The following RPH3A variants were observed in gnomAD, a reference collection of about 807,000 sequenced individuals.
RPH3A encodes rabphilin 3A.
In RPH3A, 48 loss-of-function variants were observed where a neutral mutation model predicts 102.2. The ratio of observed to expected loss-of-function variants is 0.47; its 90% confidence interval spans 0.37 to 0.60. The LOEUF is 0.60. Among genes scored for constraint, RPH3A ranks in the 20% least tolerant of loss-of-function variants. The pLI is 0.00. For synonymous variants in RPH3A, 310 were observed against 324.3 expected, an observed-to-expected ratio of 0.96 and a Z score of 0.47; for missense variants, 781 against 910.1, an observed-to-expected ratio of 0.86 and a Z score of 1.83.
chr12:112,724,433 A>T (rs1261885631), intron 1 of RPH3A, among the ~76,000 whole-genome samples: 1 of 152,040 alleles, frequency 6.6e-6, no homozygotes, highest in Non-Finnish European at 1.5e-5. Flanking sequence ...TCTCCAAAAA[A>T]TTTTTCCAAT....
At chr12:112,722,480 C>G (rs1262699914) in intron 1 of RPH3A, among the ~76,000 whole-genome samples, 4 of 152,212 alleles carry the variant, frequency 2.6e-5, no homozygotes, top group Non-Finnish European at 5.9e-5. Flanking sequence ...ACTCCATATT[C>G]AGTCTACTTC....
Position 112,810,863 on chromosome 12 carries a change from A to G in RPH3A, c.-18-17438A>G, listed in dbSNP as rs184320575. On this transcript the variant is annotated intron_variant, in intron 2 of 21. Coordinates refer to ENST00000389385, the MANE Select transcript of RPH3A (RefSeq NM_001143854.2). ...TGTAAAAATGCCTTTTGATTAATCT[A>G]GTACTGCATACATTTGTATATTGTA... Among the ~76,000 whole-genome samples the G allele has an allele frequency of 4.1e-4, 63 of 152,294 alleles. 1 individual carries two copies. Among genetic ancestry groups the G allele is most frequent in the Middle Eastern group, 6.8e-3 (2 of 292 alleles).
At chr12:112,868,234 C>T (rs2042644269) in intron 7 of RPH3A, 196 bp from the exon 8 acceptor site, 1 of 531,522 alleles carries the variant, frequency 1.9e-6, no homozygotes, top group East Asian at 2.9e-5. Context: ...AAACTGAAGC[C>T]CTTTCTACTG....
At chr12:112,662,949 A>G (rs1330438262) in intron 1 of RPH3A, among the ~76,000 whole-genome samples, 4 of 151,746 alleles carry the variant, frequency 2.6e-5, no homozygotes, top group Non-Finnish European at 5.9e-5. Context: ...ATTTGTGGTG[A>G]AGAAGTATCC....
intron 2 of RPH3A, among the ~76,000 whole-genome samples, chr12:112,812,685 C>G (rs571130877): frequency 6.6e-6 from 1 of 152,154 alleles, no homozygotes; most frequent in South Asian, 2.1e-4. Context: ...CTCTCTCTCT[C>G]TCTTCCCCTC....
At chr12:112,686,652 C>T (rs1190156756) in intron 1 of RPH3A, among the ~76,000 whole-genome samples, 2 of 152,186 alleles carry the variant, frequency 1.3e-5, no homozygotes, top group Admixed American at 6.5e-5. Context: ...CAGCCAGCCA[C>T]CAGCCAATTC....
intron 1 of RPH3A, among the ~76,000 whole-genome samples, chr12:112,716,546 G>A (rs950398900): frequency 6.6e-6 from 1 of 152,184 alleles, no homozygotes; most frequent in African/African-American, 2.4e-5. Context: ...TGGGTTCAAG[G>A]CATTGGCTCT....
upstream of RPH3A, among the ~76,000 whole-genome samples, chr12:112,789,720 C>T (rs185327187): frequency 6.6e-6 from 1 of 151,392 alleles, no homozygotes; most frequent in Non-Finnish European, 1.5e-5. Flanking sequence ...CCATCAACAT[C>T]ATCAGCATAA....
chr12:112,578,025 T>A (rs2039371639), intron 1 of RPH3A, among the ~76,000 whole-genome samples: 1 of 152,174 alleles, frequency 6.6e-6, no homozygotes, highest in Non-Finnish European at 1.5e-5. Flanking sequence ...TCTCTTCCCC[T>A]CTGAGTTATA....
chr12:112,870,960 C>T (rs1272591846), intron 10 of RPH3A, among the ~76,000 whole-genome samples: 3 of 152,140 alleles, frequency 2.0e-5, no homozygotes, highest in African/African-American at 7.2e-5. Context: ...TAATGTTTGC[C>T]ACAACTCCAA....
intron 1 of RPH3A, chr12:112,695,304 C>T (rs550383285): frequency 6.1e-6 from 1 of 164,810 alleles, no homozygotes; most frequent in East Asian, 1.9e-4. Flanking sequence ...GATGGCTCAC[C>T]AAACACGCTT....
intron 14 of RPH3A, among the ~76,000 whole-genome samples, chr12:112,881,202 C>A (rs2042902945): frequency 6.6e-6 from 1 of 152,192 alleles, no homozygotes; most frequent in African/African-American, 2.4e-5. Context: ...CTCATTTTAA[C>A]AAATCAACTT....
chr12:112,614,263 A>G (rs1454605657), intron 1 of RPH3A, among the ~76,000 whole-genome samples: 1 of 152,188 alleles, frequency 6.6e-6, no homozygotes, highest in African/African-American at 2.4e-5. Flanking sequence ...ATAGAACACC[A>G]GATGTTTGTC....
chr12:112,616,849 C>T (rs534259574), intron 1 of RPH3A, among the ~76,000 whole-genome samples: 2 of 152,328 alleles, frequency 1.3e-5, no homozygotes, highest in African/African-American at 4.8e-5. Context: ...ATTTGGGAGC[C>T]TGCAGCTTCC....
At chr12:112,679,137 T>C (rs2040208526) in intron 1 of RPH3A, among the ~76,000 whole-genome samples, 1 of 152,022 alleles carries the variant, frequency 6.6e-6, no homozygotes, top group Non-Finnish European at 1.5e-5. Flanking sequence ...AGAGGATCTC[T>C]GGAGTTCCTT....
At chr12:112,588,671 C>A (rs2039455968) in intron 1 of RPH3A, among the ~76,000 whole-genome samples, 1 of 152,198 alleles carries the variant, frequency 6.6e-6, no homozygotes, top group African/African-American at 2.4e-5. Context: ...CTGCCTCGCT[C>A]TTTCTCTCTC....
intron 1 of RPH3A, among the ~76,000 whole-genome samples, chr12:112,758,744 A>T (rs756177320): frequency 6.6e-6 from 1 of 152,148 alleles, no homozygotes; most frequent in African/African-American, 2.4e-5. Flanking sequence ...GTCACACAAA[A>T]TGCTATAATG....
intron 2 of RPH3A, among the ~76,000 whole-genome samples, chr12:112,803,632 AAAAT>A (rs531016080): frequency 2.1e-4 from 32 of 152,066 alleles, no homozygotes; most frequent in Admixed American, 1.4e-3. Context: ...TGCTTTTTAA[AAAAT>A]AAATAATTAA....
At chr12:112,860,520 C>T (rs557179785) in intron 5 of RPH3A, among the ~76,000 whole-genome samples, 1 of 152,134 alleles carries the variant, frequency 6.6e-6, no homozygotes, top group African/African-American at 2.4e-5. Context: ...TGTGGGTTTG[C>T]AAGTGACGGG....
Sources: allele counts gnomAD v4.1 joint callset (sites outside exome capture counted in the v4.1 genomes callset), GRCh38; gene constraint gnomAD v4.1.1; transcripts MANE v1.5; gene names NCBI Gene and HGNC (gene_info 2026-07-23, HGNC 2026-07-21).